Variants in GPHN observed in about 807,000 individuals in gnomAD.
GPHN encodes the protein gephyrin.
GPHN carries 17 observed loss-of-function variants against 95.5 expected under a neutral mutation model. The ratio of observed to expected loss-of-function variants is 0.18; its 90% CI spans 0.12 to 0.27. GPHN has a LOEUF of 0.27. Among genes scored for constraint, GPHN ranks in the 10% least tolerant of loss-of-function variants. GPHN has a pLI of 1.00. For synonymous variants in GPHN, 320 were observed against 322.5 expected, an observed-to-expected ratio of 0.99 and a Z score of 0.08; for missense variants, 660 against 978.1, an observed-to-expected ratio of 0.67 and a Z score of 4.34.
the GPHN span, chr14:67,347,500 C>CTTT: frequency 1.1e-3 from 1,369 of 1,299,194 alleles, 17 homozygotes; most frequent in East Asian, 5.1e-3. Flanking sequence ...TTTAAGTTCT[C>CTTT]TCTTTTTTTT....
the GPHN span, chr14:67,321,074 C>T: frequency 1.2e-6 from 2 of 1,614,016 alleles, no homozygotes; most frequent in Non-Finnish European, 1.7e-6. Context: ...CCGGAGTAGG[C>T]GAGACCAAGA....
chr14:67,304,506 TGAA>T, the GPHN span, among the ~76,000 whole-genome samples: 1 of 152,150 alleles, frequency 6.6e-6, no homozygotes, highest in South Asian at 2.1e-4. Context: ...GGATGAACCT[TGAA>T]GAAATTATGC....
chr14:67,261,787 A>T, the GPHN span, among the ~76,000 whole-genome samples: 1 of 151,956 alleles, frequency 6.6e-6, no homozygotes, highest in Non-Finnish European at 1.5e-5. Flanking sequence ...AGGTACTTTG[A>T]GCAATAGATA....
At chr14:67,194,881 C>T in the GPHN span, among the ~76,000 whole-genome samples, 5 of 152,302 alleles carry the variant, frequency 3.3e-5, no homozygotes, top group East Asian at 7.7e-4. Flanking sequence ...TGATCTTGAA[C>T]TCCTGACCTA....
At chr14:66,638,213 C>T (rs2153349882) in intron 1 of GPHN, among the ~76,000 whole-genome samples, 1 of 152,170 alleles carries the variant, frequency 6.6e-6, no homozygotes, top group African/African-American at 2.4e-5. Flanking sequence ...GTGGGTGAAT[C>T]ACTTGAGATC....
intron 1 of GPHN, among the ~76,000 whole-genome samples, chr14:66,514,739 C>A (rs2058172707): frequency 6.6e-6 from 1 of 152,016 alleles, no homozygotes; most frequent in Non-Finnish European, 1.5e-5. Context: ...AGCAATCTTA[C>A]ACTTAGGTTT....
At chr14:66,922,322 G>T (rs539492768) in intron 6 of GPHN, among the ~76,000 whole-genome samples, 6 of 149,104 alleles carry the variant, frequency 4.0e-5, no homozygotes, top group African/African-American at 1.5e-4. Context: ...ACAATAATTA[G>T]GAGTAGTACA....
the GPHN span, chr14:67,447,460 T>C: frequency 1.3e-5 from 2 of 152,208 alleles, no homozygotes; most frequent in Non-Finnish European, 2.9e-5. Flanking sequence ...TGAAAGATTA[T>C]TATTTAGCTT....
the GPHN span, among the ~76,000 whole-genome samples, chr14:67,526,325 C>T: frequency 1.3e-5 from 2 of 152,030 alleles, no homozygotes; most frequent in East Asian, 1.9e-4. Flanking sequence ...CTTTGTGCAG[C>T]GGCATCTCTT....
intron 12 of GPHN, among the ~76,000 whole-genome samples, chr14:67,098,903 T>C (rs1175579035): frequency 1.3e-5 from 2 of 152,042 alleles, no homozygotes; most frequent in Non-Finnish European, 2.9e-5. Context: ...ATTTATCTAG[T>C]AGAGAAACAA....
In GPHN at chr14:66,965,335, G is replaced by A. The variant is rs41310850; in HGVS notation, c.963+10G>A. The A allele has an allele frequency of 0.013, 20,833 of 1,612,282 alleles. 179 individuals are homozygous for A. Among genetic ancestry groups the A allele is most frequent in the Middle Eastern group, 0.017 (101 of 6,060 alleles). On this transcript the variant is annotated intron_variant, in intron 9 of 22. Coordinates refer to ENST00000478722, the MANE Select transcript of GPHN (RefSeq NM_020806.5). Reference sequence around the variant, plus strand: ...CTGCCCAACACCAAAAGTAAGTATGGTTCCTTCGCATCTTACACCTGCTCT... The same window carrying A: ...CTGCCCAACACCAAAAGTAAGTATGATTCCTTCGCATCTTACACCTGCTCT...
At chr14:67,620,412 G>C in the GPHN span, among the ~76,000 whole-genome samples, 1 of 152,096 alleles carries the variant, frequency 6.6e-6, no homozygotes, top group East Asian at 1.9e-4. Flanking sequence ...AGGATTCCTT[G>C]GAGGGGCTGG....
At chr14:66,766,792 AACAC>A (rs909851057) in intron 2 of GPHN, among the ~76,000 whole-genome samples, 19 of 152,248 alleles carry the variant, frequency 1.2e-4, no homozygotes, top group African/African-American at 4.3e-4. Flanking sequence ...CATATGTGCA[AACAC>A]ACACAAAGCC....
At chr14:67,143,213 G>A (rs908855276) in intron 17 of GPHN, 149 bp from the exon 18 acceptor site, 1 of 685,470 alleles carries the variant, frequency 1.5e-6, no homozygotes, top group African/African-American at 1.7e-5. Flanking sequence ...CTGTTAGGCA[G>A]AGACCCTTTT....
chr14:67,586,095 A>G, the GPHN span: 3 of 1,613,786 alleles, frequency 1.9e-6, no homozygotes, highest in East Asian at 4.5e-5. Flanking sequence ...GGCTGCTCCC[A>G]AGGTAGGTCT....
At chr14:67,228,338 T>C in the GPHN span, 3 of 488,154 alleles carry the variant, frequency 6.1e-6, no homozygotes, top group Non-Finnish European at 8.0e-6. Context: ...ATTTAGTTCA[T>C]CTTGTCTTAT....
chr14:67,241,827 G>T, the GPHN span: 1 of 151,634 alleles, frequency 6.6e-6, no homozygotes, highest in Non-Finnish European at 1.5e-5. Context: ...CGAGCCCGAG[G>T]TGCAGGGGGC....
chr14:67,114,638 T>TTG (rs373830183), intron 16 of GPHN, among the ~76,000 whole-genome samples: 106 of 152,334 alleles, frequency 7.0e-4, no homozygotes, highest in Non-Finnish European at 1.4e-3. Flanking sequence ...TGCAGTGAGC[T>TTG]ATGATGGCAC....
At chr14:67,646,267 G>A in the GPHN span, among the ~76,000 whole-genome samples, 1 of 152,186 alleles carries the variant, frequency 6.6e-6, no homozygotes, top group Non-Finnish European at 1.5e-5. Context: ...GAAGTCCTGT[G>A]TCGGCTGTTG....
Sources: allele counts gnomAD v4.1 joint callset (sites outside exome capture counted in the v4.1 genomes callset), GRCh38; gene constraint gnomAD v4.1.1; transcripts MANE v1.5; gene names NCBI Gene and HGNC (gene_info 2026-07-23, HGNC 2026-07-21).